Variants in BEND7 observed in about 807,000 individuals in gnomAD.
BEND7 encodes BEN domain containing 7.
Under a neutral mutation model 50.9 loss-of-function variants are expected in BEND7, and 28 were observed. The observed-to-expected ratio is 0.55, with a 90% CI of 0.41 to 0.75. The LOEUF is 0.75. Among genes scored for constraint, BEND7 ranks in the 30% least tolerant of loss-of-function variants. BEND7 has a pLI of 0.00. For missense variants in BEND7, 477 were observed against 491.3 expected, an observed-to-expected ratio of 0.97 and a Z score of 0.28; for synonymous variants, 170 against 183.9, an observed-to-expected ratio of 0.92 and a Z score of 0.61.
intron 8 of BEND7, chr10:13,446,329 G>A (rs1836314691): frequency 6.6e-6 from 1 of 152,192 alleles, no homozygotes; most frequent in African/African-American, 2.4e-5. Context: ...GCCATTTTGG[G>A]ATATGTGCTG....
chr10:13,525,574 G>A lies in BEND7; in HGVS notation c.145+564C>T, dbSNP rs143816975. Among the ~76,000 whole-genome samples, 5 of 152,326 alleles carry A rather than the reference G, an allele frequency of 3.3e-5. 1 individual carries two copies. Among genetic ancestry groups the A allele is most frequent in the Middle Eastern group, 3.4e-3 (1 of 294 alleles). The stretch of plus-strand genomic sequence containing the variant: ...TTGATGATAACTAGCACTATCAAGA[G>A]CTGGTTAGGCAGACAGTCACACTTT... On this transcript the variant is annotated intron_variant, in intron 2 of 8. Transcript: ENST00000466271.
chr10:13,487,850 T>C (rs889061959), intron 5 of BEND7, among the ~76,000 whole-genome samples: 3 of 152,034 alleles, frequency 2.0e-5, no homozygotes, highest in Non-Finnish European at 4.4e-5. Context: ...CTCAGCACTT[T>C]GCGAGGACGA....
intron 2 of BEND7, among the ~76,000 whole-genome samples, chr10:13,525,794 T>C (rs2079419322): frequency 6.6e-6 from 1 of 152,178 alleles, no homozygotes; most frequent in Non-Finnish European, 1.5e-5. Context: ...AAAGATGTAA[T>C]ACCCCAATTA....
At chr10:13,472,353 T>C (rs10796085) in intron 6 of BEND7, among the ~76,000 whole-genome samples, 107,811 of 151,692 alleles carry the variant, frequency 0.71, 38,578 homozygotes, top group East Asian at 0.88. Flanking sequence ...ACATCATCAT[T>C]GCTGTTAGAC....
In BEND7 at chr10:13,523,115, C is replaced by A. The variant is rs547984167; in HGVS notation, c.145+3023G>T. ...TCTGTGACTATCTCTGACCCCACTC[C>A]CATTCCAGAAAAGTGCTGAGTTCAG... On this transcript the variant is annotated intron_variant, in intron 2 of 8. Transcript: ENST00000466271. 2.6e-5 allele frequency among the ~76,000 whole-genome samples: 4 copies of A among 152,330 alleles called. No individual in the cohort carries two copies. In the East Asian group the frequency reaches 5.8e-4, roughly 22 times the overall value.
At position 13,492,762 on chromosome 10, in the gene BEND7, A is replaced by G; in HGVS notation, c.686T>C (p.Leu229Pro). The change falls in exon 5 of 9, where the codon CTT (leucine) becomes CCT (proline). Residue 229 changes from leucine (L) to proline (P), a missense_variant. Physicochemically the swap from Leu to Pro is moderately conservative, Grantham distance 98. This residue lies in a region of BEND7 where 396 missense variants were observed against 384.2 expected (regional missense o/e 1.03). Coordinates refer to ENST00000466271, the MANE Select transcript of BEND7 (RefSeq NM_001369863.1). ...KKVPPKTVEP[L>P]TVKQKPSGSE... ...CCCACTGGGCTTCTGTTTCACAGTA[A>G]GAGGTTCCACAGTCTTTGGGGGCAC... The G allele has an allele frequency of 6.2e-7, 1 of 1,613,706 alleles. No individual in the cohort carries two copies. The highest frequency in any genetic ancestry group is 8.5e-7 in the Non-Finnish European group (1 of 1,179,916).
intron 2 of BEND7, among the ~76,000 whole-genome samples, chr10:13,506,129 G>A (rs989475512): frequency 6.6e-6 from 1 of 152,172 alleles, no homozygotes; most frequent in Admixed American, 6.5e-5. Context: ...TAATGGTCCT[G>A]GTTTTCCCGG....
At chr10:13,438,812 A>C (rs1214495965), downstream of BEND7, 3 of 224,788 alleles carry the variant, frequency 1.3e-5, no homozygotes, top group African/African-American at 2.3e-5. Flanking sequence ...GAGCGCTGTA[A>C]AAGGCTCCTG....
intron 6 of BEND7, among the ~76,000 whole-genome samples, chr10:13,473,350 C>T (rs1005312880): frequency 6.6e-6 from 1 of 150,738 alleles, no homozygotes; most frequent in Non-Finnish European, 1.5e-5. Flanking sequence ...CGCTGTTAGA[C>T]TCAGGGCCGA....
chr10:13,511,786 T>C (rs750578547), intron 2 of BEND7, among the ~76,000 whole-genome samples: 1 of 152,202 alleles, frequency 6.6e-6, no homozygotes, highest in African/African-American at 2.4e-5. Flanking sequence ...GCTAAGAGGT[T>C]CGAGCACTGG....
At chr10:13,520,484 C>A (rs879932140) in intron 2 of BEND7, among the ~76,000 whole-genome samples, 5 of 152,070 alleles carry the variant, frequency 3.3e-5, no homozygotes, top group Non-Finnish European at 7.3e-5. Context: ...CAGTGAAGGG[C>A]TTTGCCTTGA....
At chr10:13,442,801 T>A (rs1054386035) in intron 8 of BEND7, 2 of 152,228 alleles carry the variant, frequency 1.3e-5, no homozygotes, top group African/African-American at 4.8e-5. Flanking sequence ...CATTTGCACT[T>A]ACTCAGTTAC....
chr10:13,522,971 A>C (rs925575532), intron 2 of BEND7, among the ~76,000 whole-genome samples: 2 of 152,218 alleles, frequency 1.3e-5, no homozygotes, highest in African/African-American at 4.8e-5. Context: ...CACACAGTTA[A>C]GTGCTCAAAC....
At chr10:13,509,681 C>T (rs529738699) in intron 2 of BEND7, among the ~76,000 whole-genome samples, 5 of 152,248 alleles carry the variant, frequency 3.3e-5, no homozygotes, top group South Asian at 2.1e-4. Context: ...CATTTCCACG[C>T]GCACTTTGGG....
intron 6 of BEND7, chr10:13,480,679 T>A (rs1214953622): frequency 2.0e-6 from 2 of 985,180 alleles, no homozygotes; most frequent in African/African-American, 3.5e-5. Context: ...GGCTCTTAAA[T>A]TATTATTTCA....
At chr10:13,528,405 TG>T in intron 1 of BEND7, 67 bp downstream of exon 1, 2 of 779,166 alleles carry the variant, frequency 2.6e-6, no homozygotes, top group Non-Finnish European at 3.1e-6. Flanking sequence ...CCCCCCAGCG[TG>T]GACCCCCGCG....
At chr10:13,510,508 A>C (rs2078200661) in intron 2 of BEND7, among the ~76,000 whole-genome samples, 1 of 152,254 alleles carries the variant, frequency 6.6e-6, no homozygotes, top group Admixed American at 6.5e-5. Flanking sequence ...GTAAACATTT[A>C]TCAACAGAAC....
At chr10:13,495,432 C>T (rs925643038) in intron 4 of BEND7, among the ~76,000 whole-genome samples, 2 of 152,172 alleles carry the variant, frequency 1.3e-5, no homozygotes, top group African/African-American at 2.4e-5. Context: ...GAGGCTGAGG[C>T]GGGCAGATCA....
chr10:13,505,564 A>C (rs1306605849), intron 2 of BEND7, among the ~76,000 whole-genome samples: 1 of 152,100 alleles, frequency 6.6e-6, no homozygotes, highest in Admixed American at 6.5e-5. Context: ...TAAGTACTAA[A>C]ACTTCTTAAA....
Sources: allele counts gnomAD v4.1 joint callset (sites outside exome capture counted in the v4.1 genomes callset), GRCh38; gene constraint gnomAD v4.1.1; regional missense constraint gnomAD v4.1.1; transcripts MANE v1.5; gene names NCBI Gene and HGNC (gene_info 2026-07-23, HGNC 2026-07-21).